ACTN1: variants seen among roughly 807,000 people sequenced by gnomAD.
ACTN1 encodes alpha-actinin-1.
Under a neutral mutation model 119.6 loss-of-function variants are expected in ACTN1, and 30 were observed. That is an observed-to-expected ratio of 0.25 (90% CI 0.19 to 0.34). The LOEUF (loss-of-function observed/expected upper bound fraction) is 0.34, where lower values mean the gene tolerates loss of function less well. ACTN1 is among the 10% of genes least tolerant of loss of function. The pLI is 1.00. For missense variants in ACTN1, 764 were observed against 1,223.4 expected (o/e 0.62, Z 5.60); for synonymous variants, 429 against 472.6 (o/e 0.91, Z 1.20).
In ACTN1 at chr14:68,883,023, G is replaced by A; in HGVS notation, c.1668C>T (p.Ala556=). 4 of 1,614,220 alleles carry A rather than the reference G, an allele frequency of 2.5e-6. No homozygotes were observed. The highest frequency in any genetic ancestry group is 3.4e-6 in the Non-Finnish European group (4 of 1,180,042). The change falls in exon 15 of 22, where the codon GCC becomes GCT. Residue 556 remains alanine, a synonymous_variant. Transcript: ENST00000394419. ...GLTTAHEQFK[A]TLPDADKERL... is the part of the protein sequence containing the mutation. ...GCTCCTTGTCGGCATCAGGGAGGGT[G>A]GCCTTGAACTGCTCATGGGCTGTGG...
chr14:68,960,292 C>T (rs775672909), intron 1 of ACTN1, among the ~76,000 whole-genome samples: 1 of 152,040 alleles, frequency 6.6e-6, no homozygotes, highest in African/African-American at 2.4e-5. Context: ...GTTCAAGGGT[C>T]GGTTGTATAT....
chr14:68,946,793 C>T (rs1007489980), intron 1 of ACTN1, among the ~76,000 whole-genome samples: 7 of 152,192 alleles, frequency 4.6e-5, no homozygotes, highest in African/African-American at 1.7e-4. Flanking sequence ...GCCCTCAGCC[C>T]TCACCTCCTT....
chr14:68,879,833 G>GA lies in ACTN1; in HGVS notation c.2280+128_2280+129insT. On this transcript the variant is annotated intron_variant, in intron 18 of 21. Transcript: ENST00000394419. This position sits in a 1 kb window ranked among gnomAD's most constrained non-coding sequence, Gnocchi z 4.9. ...TGCAGGGTGCATTGAGTCAGGGCAGGCTGACGGCAGTTTCCCCTTTCTCTC... is the reference window on the plus strand; with the variant it reads ...TGCAGGGTGCATTGAGTCAGGGCAGGACTGACGGCAGTTTCCCCTTTCTCTC... 7.4e-7 allele frequency: 1 copy of GA among 1,349,534 alleles called. No individual in the cohort carries two copies. The highest frequency in any genetic ancestry group is 1.4e-5 in the South Asian group (1 of 70,586). The allele number at this position is 1,349,534 out of a possible 1,614,324, so 83.6% of individuals were successfully genotyped here.
intron 8 of ACTN1, among the ~76,000 whole-genome samples, chr14:68,895,526 C>G (rs2032809903): frequency 6.6e-6 from 1 of 151,978 alleles, no homozygotes; most frequent in African/African-American, 2.4e-5. Flanking sequence ...CCCTTCAAGG[C>G]TGGGGCAGGG....
chr14:68,970,810 T>C (rs867852404), intron 1 of ACTN1, among the ~76,000 whole-genome samples: 11 of 152,232 alleles, frequency 7.2e-5, no homozygotes, highest in Admixed American at 4.6e-4. Context: ...CTGAGGCCTA[T>C]GTCCATCCCC....
At chr14:68,940,406 T>A (rs1264909663) in intron 1 of ACTN1, among the ~76,000 whole-genome samples, 1 of 152,096 alleles carries the variant, frequency 6.6e-6, no homozygotes, top group Non-Finnish European at 1.5e-5. Flanking sequence ...GACCCCTCCA[T>A]GTAGTTGAGG....
chr14:68,977,592 G>C (rs2037102179), intron 1 of ACTN1: 25 of 247,150 alleles, frequency 1.0e-4, no homozygotes, highest in South Asian at 9.9e-4. Flanking sequence ...GTCTGATGAA[G>C]TGAGTAAAAG....
chr14:68,884,409 G>C, intron 13 of ACTN1, 101 bp from the exon 14 acceptor site: 3 of 1,361,976 alleles, frequency 2.2e-6, no homozygotes. Flanking sequence ...TAGAAGCACT[G>C]ACTCAATCAG....
chr14:68,952,319 G>A (rs918922415), intron 1 of ACTN1, among the ~76,000 whole-genome samples: 7 of 152,194 alleles, frequency 4.6e-5, no homozygotes, highest in Non-Finnish European at 7.3e-5. Context: ...TGACCCACCC[G>A]GGACCCTGCG....
chr14:68,949,162 G>C (rs2036044435), intron 1 of ACTN1, among the ~76,000 whole-genome samples: 1 of 152,218 alleles, frequency 6.6e-6, no homozygotes, highest in African/African-American at 2.4e-5. Flanking sequence ...GCCTCGGAGA[G>C]AAAAACAGCC....
At position 68,884,296 on chromosome 14, in the gene ACTN1, G is replaced by A. The variant is rs1375131483; in HGVS notation, c.1507C>T (p.Leu503=). ...RREALERTEK[L]LETIDQLYLE... is the part of the protein sequence containing the mutation. ...TACAGCTGGTCAATGGTCTCCAGCA[G>A]TTTCTCGGTCCGCTGGGAGTGCCAA... The change falls in exon 14 of 22, where the codon CTG becomes TTG. Residue 503 remains leucine (L), a synonymous_variant. Coordinates refer to ENST00000394419, the MANE Select transcript of ACTN1 (RefSeq NM_001130004.2). 1 of 1,614,066 alleles carries A rather than the reference G, an allele frequency of 6.2e-7. No individual in the cohort carries two copies. Among genetic ancestry groups the A allele is most frequent in the Non-Finnish European group, 8.5e-7 (1 of 1,179,934 alleles).
At chr14:68,916,230 C>A (rs1420689211) in intron 3 of ACTN1, among the ~76,000 whole-genome samples, 1 of 152,172 alleles carries the variant, frequency 6.6e-6, no homozygotes, top group Admixed American at 6.5e-5. Context: ...GCAATGCTAG[C>A]CCTCCCTTGG....
rs1337420970 is a variant in ACTN1, at chr14:68,874,505, AG to A, written c.*353del. 2.8e-5 allele frequency: 5 copies of A among 178,548 alleles called. No homozygotes were observed. The highest frequency in any genetic ancestry group is 4.7e-5 in the Non-Finnish European group (4 of 85,826). 11.1% of individuals were successfully genotyped at this position (178,548 alleles called of 1,614,324 possible). ...ATAGAAGAAAAAAAAATCAGTAAAA[AG>A]GATGGAATATAACTTTGTGCTTGGT... On this transcript the variant is annotated 3_prime_UTR_variant, in exon 22 of 22. Coordinates refer to ENST00000394419, the MANE Select transcript of ACTN1 (RefSeq NM_001130004.2).
Position 68,878,814 on chromosome 14 carries a change from A to G in ACTN1, c.2361+175T>C. On this transcript the variant is annotated intron_variant, in intron 19 of 21. Coordinates refer to ENST00000394419, the MANE Select transcript of ACTN1 (RefSeq NM_001130004.2). The surrounding 1 kb of genome is among the most constrained non-coding windows in gnomAD (Gnocchi z 4.4). ...CCAGTAGGTTGCCATGAAAGACAGC[A>G]GAGGGCAGAGGGTGGACCAGTGATG... 3.1e-6 allele frequency: 5 copies of G among 1,590,588 alleles called. No individual in the cohort carries two copies. Among genetic ancestry groups the G allele is most frequent in the Non-Finnish European group, 3.4e-6 (4 of 1,175,950 alleles).
chr14:68,914,151 G>A (rs773829602), intron 3 of ACTN1, among the ~76,000 whole-genome samples: 7 of 151,734 alleles, frequency 4.6e-5, no homozygotes, highest in Non-Finnish European at 1.0e-4. Context: ...GGCAGAGGCT[G>A]CAGTGAGCTG....
chr14:68,932,539 T>TTTTTTTA (rs71102619), intron 1 of ACTN1, among the ~76,000 whole-genome samples: 4 of 117,200 alleles, frequency 3.4e-5, no homozygotes, highest in African/African-American at 1.3e-4. Flanking sequence ...TTTTTTTTTT[T>TTTTTTTA]AATTTTTCTT....
At chr14:68,943,895 T>C (rs1181655586) in intron 1 of ACTN1, among the ~76,000 whole-genome samples, 2 of 152,172 alleles carry the variant, frequency 1.3e-5, no homozygotes, top group African/African-American at 2.4e-5. Flanking sequence ...GCTGGGAGGC[T>C]AAACTCTTCC....
intron 1 of ACTN1, among the ~76,000 whole-genome samples, chr14:68,967,811 C>T (rs996670017): frequency 6.6e-6 from 1 of 152,226 alleles, no homozygotes; most frequent in Non-Finnish European, 1.5e-5. Context: ...CTCATCGTGG[C>T]TCCCCACATC....
intron 11 of ACTN1, among the ~76,000 whole-genome samples, chr14:68,888,704 C>A (rs934740032): frequency 6.6e-6 from 1 of 152,134 alleles, no homozygotes; most frequent in African/African-American, 2.4e-5. Flanking sequence ...ACCTGAGCTC[C>A]GCCTCCTGTT....
Sources: gnomAD v4.1 joint callset for allele counts (sites outside exome capture counted in the v4.1 genomes callset) on GRCh38, gnomAD v4.1.1 for gene constraint, Gnocchi (gnomAD v3.1) non-coding constraint, MANE v1.5 for transcripts, NCBI Gene and HGNC (gene_info 2026-07-23, HGNC 2026-07-21) for gene names.